Variants in ZNF521 observed in about 807,000 individuals in gnomAD.
The protein encoded by ZNF521 is zinc finger protein 521, also known as LYST-interacting protein 3.
Under a neutral mutation model 105.5 loss-of-function variants are expected in ZNF521, and 14 were observed. The ratio of observed to expected loss-of-function variants is 0.13; its 90% CI spans 0.09 to 0.21. The LOEUF (loss-of-function observed/expected upper bound fraction) is 0.21. ZNF521 is among the 10% of genes least tolerant of loss of function. ZNF521 has a pLI of 1.00. For missense variants in ZNF521, 1,233 were observed against 1,629.7 expected, an observed-to-expected ratio of 0.76 and a Z score of 4.19; for synonymous variants, 635 against 606.0, an observed-to-expected ratio of 1.05 and a Z score of -0.70.
chr18:25,307,227 T>C (rs1256174396), intron 3 of ZNF521, among the ~76,000 whole-genome samples: 1 of 152,186 alleles, frequency 6.6e-6, no homozygotes, highest in African/African-American at 2.4e-5. Flanking sequence ...CCCACAATGT[T>C]CCTTCTCCAA....
intron 2 of ZNF521, among the ~76,000 whole-genome samples, chr18:25,333,582 T>A (rs140301231): frequency 6.6e-6 from 1 of 152,018 alleles, no homozygotes; most frequent in Non-Finnish European, 1.5e-5. Context: ...ATTGGAGTAA[T>A]TTTTTTCAGA....
intron 5 of ZNF521, among the ~76,000 whole-genome samples, chr18:25,174,793 A>T (rs1454173465): frequency 6.6e-6 from 1 of 152,104 alleles, no homozygotes. Flanking sequence ...AAATCCCCCA[A>T]CCTTTCTGAG....
At chr18:25,308,027 C>T (rs1034130330) in intron 3 of ZNF521, among the ~76,000 whole-genome samples, 1 of 151,922 alleles carries the variant, frequency 6.6e-6, no homozygotes, top group African/African-American at 2.4e-5. Flanking sequence ...CATGGCAAAA[C>T]CCCATCTCTA....
At position 25,224,491 on chromosome 18, in the gene ZNF521, A is replaced by G. The variant is rs1905960295; in HGVS notation, c.3427T>C (p.Cys1143Arg). Residue 1143 changes from cysteine to arginine, a missense_variant, in exon 4 of 8, where the codon TGC (cysteine) becomes CGC (arginine). This residue lies in a region of ZNF521 where 614 missense variants were observed against 751.5 expected (regional missense o/e 0.82). Coordinates refer to ENST00000361524, the MANE Select transcript of ZNF521 (RefSeq NM_015461.3). ...CTTTCAGACTCAAACTTAACGTTGC[A>G]GCTAGAGCAGCGTGTCTTCAGTCCC... ...VGGLKTRCSSCNVKFESESEL... is the reference protein window; with the variant it reads ...VGGLKTRCSSRNVKFESESEL... The G allele has an allele frequency of 6.2e-7, 1 of 1,613,984 alleles. No individual in the cohort carries two copies. The highest frequency in any genetic ancestry group is 1.1e-5 in the South Asian group (1 of 91,076).
intron 3 of ZNF521, among the ~76,000 whole-genome samples, chr18:25,283,391 C>T (rs937566149): frequency 6.6e-6 from 1 of 152,202 alleles, no homozygotes; most frequent in Non-Finnish European, 1.5e-5. Context: ...AATTCAGGGG[C>T]TCTTCCCTGG....
intron 3 of ZNF521, among the ~76,000 whole-genome samples, chr18:25,293,748 T>C (rs1453901856): frequency 6.6e-6 from 1 of 152,176 alleles, no homozygotes; most frequent in Non-Finnish European, 1.5e-5. Flanking sequence ...TTCTAGCAAA[T>C]GGTGCTTCCA....
chr18:25,185,045 T>C (rs9960098), intron 5 of ZNF521, among the ~76,000 whole-genome samples: 34,918 of 152,086 alleles, frequency 0.23, 4,079 homozygotes, highest in African/African-American at 0.25. Context: ...AATGATTTTA[T>C]CTATGTCTTA....
chr18:25,287,948 A>G (rs1262552713), intron 3 of ZNF521, among the ~76,000 whole-genome samples: 2 of 152,214 alleles, frequency 1.3e-5, no homozygotes, highest in Non-Finnish European at 2.9e-5. Flanking sequence ...GAAATGTCAC[A>G]ATGCTGAAAA....
chr18:25,266,936 T>C (rs973675063), intron 3 of ZNF521, among the ~76,000 whole-genome samples: 2 of 152,138 alleles, frequency 1.3e-5, no homozygotes, highest in African/African-American at 4.8e-5. Flanking sequence ...GTACCGTTCA[T>C]TCCCTGGAAA....
At chr18:25,131,623 G>A (rs1047970925) in intron 5 of ZNF521, among the ~76,000 whole-genome samples, 3 of 152,236 alleles carry the variant, frequency 2.0e-5, no homozygotes, top group Admixed American at 6.5e-5. Context: ...GAAAACCACT[G>A]TGTTGCATTT....
intron 3 of ZNF521, among the ~76,000 whole-genome samples, chr18:25,244,173 G>C (rs534889154): frequency 6.6e-6 from 1 of 152,094 alleles, no homozygotes; most frequent in African/African-American, 2.4e-5. Context: ...CCAGATGCAG[G>C]TCCAGGGGAC....
rs36175281 is a variant in ZNF521, at chr18:25,139,372, C to CAAAAAAAAAAAAAA, written c.3659-47305_3659-47292dup. 1.3e-3 allele frequency among the ~76,000 whole-genome samples: 67 copies of CAAAAAAAAAAAAAA among 51,388 alleles called. 1 individual carries two copies. The highest frequency in any genetic ancestry group is 2.5e-3 in the Admixed American group (8 of 3,188). 33.7% of individuals were successfully genotyped at this position (51,388 alleles called of 152,430 possible). A position where few individuals can be genotyped will look rare whatever the true frequency, so the allele number is the denominator to read the frequency against. ...TGGGCGACAGAGCAAGACTCTGTCT[C>CAAAAAAAAAAAAAA]AAAAAAAAAAAAAAAAAAAAAAAAA... On this transcript the variant is annotated intron_variant, in intron 5 of 7. Transcript: ENST00000361524.
chr18:25,243,984 C>T (rs139320673), intron 3 of ZNF521, among the ~76,000 whole-genome samples: 23 of 152,188 alleles, frequency 1.5e-4, no homozygotes, highest in East Asian at 5.8e-4. Flanking sequence ...ATTGTTCAAC[C>T]GCATAAATTC....
intron 4 of ZNF521, among the ~76,000 whole-genome samples, chr18:25,197,713 C>T (rs979976949): frequency 1.3e-5 from 2 of 151,756 alleles, no homozygotes; most frequent in Non-Finnish European, 3.0e-5. Context: ...TTGGCCCTAA[C>T]TCTAAGCTCT....
intron 5 of ZNF521, among the ~76,000 whole-genome samples, chr18:25,185,031 T>A (rs2035696960): frequency 6.6e-6 from 1 of 152,174 alleles, no homozygotes; most frequent in Admixed American, 6.5e-5. Flanking sequence ...TATACAATAT[T>A]CATAATGATT....
At chr18:25,133,910 G>T (rs1600077472) in intron 5 of ZNF521, among the ~76,000 whole-genome samples, 1 of 152,050 alleles carries the variant, frequency 6.6e-6, no homozygotes, top group East Asian at 1.9e-4. Flanking sequence ...AAATAGCTGT[G>T]TTTAATCCAT....
chr18:25,102,664 T>C (rs2033991390), intron 5 of ZNF521, among the ~76,000 whole-genome samples: 1 of 152,114 alleles, frequency 6.6e-6, no homozygotes, highest in Non-Finnish European at 1.5e-5. Context: ...TACAGGTGTG[T>C]GCTGCCATGC....
chr18:25,081,966 T>G (rs1298840799), intron 7 of ZNF521, among the ~76,000 whole-genome samples: 2 of 152,314 alleles, frequency 1.3e-5, no homozygotes, highest in Admixed American at 6.5e-5. Flanking sequence ...GATTGAATTA[T>G]CCAATATTAA....
At chr18:25,335,692 T>C (rs1285905017) in intron 2 of ZNF521, among the ~76,000 whole-genome samples, 2 of 152,236 alleles carry the variant, frequency 1.3e-5, no homozygotes, top group Non-Finnish European at 2.9e-5. Context: ...GAAAAAAGTA[T>C]AAATGGCTAT....
Sources: gnomAD v4.1 joint callset for allele counts (sites outside exome capture counted in the v4.1 genomes callset) on GRCh38, gnomAD v4.1.1 for gene constraint, gnomAD v4.1.1 regional missense constraint, MANE v1.5 for transcripts, NCBI Gene and HGNC (gene_info 2026-07-23, HGNC 2026-07-21) for gene names.